Variants in ZNF407 observed in about 807,000 individuals in gnomAD.
ZNF407 encodes the protein zinc finger protein 407.
Under a neutral mutation model 131.2 loss-of-function variants are expected in ZNF407, and 17 were observed. That is an observed-to-expected ratio of 0.13 (90% confidence interval 0.09 to 0.19). ZNF407 has a LOEUF of 0.19. Ranked by LOEUF, ZNF407 falls within the 10% of genes least tolerant of loss-of-function variation. ZNF407 has a pLI of 1.00. For synonymous variants in ZNF407, 1,156 were observed against 1,062.0 expected, an observed-to-expected ratio of 1.09 and a Z score of -1.72; for missense variants, 2,681 against 2,830.6, an observed-to-expected ratio of 0.95 and a Z score of 1.20.
intron 1 of ZNF407, among the ~76,000 whole-genome samples, chr18:74,620,874 G>T (rs1324823086): frequency 1.3e-5 from 2 of 152,174 alleles, no homozygotes; most frequent in Non-Finnish European, 2.9e-5. Flanking sequence ...TGTGTGTACT[G>T]TGTAGGTTTG....
intron 8 of ZNF407, among the ~76,000 whole-genome samples, chr18:75,059,479 C>T (rs1973599552): frequency 1.3e-5 from 2 of 151,964 alleles, no homozygotes; most frequent in Non-Finnish European, 2.9e-5. Flanking sequence ...TCCTTATTTC[C>T]GTTTTTTTCA....
chr18:75,009,948 C>T (rs1426346519), intron 8 of ZNF407, among the ~76,000 whole-genome samples: 1 of 152,170 alleles, frequency 6.6e-6, no homozygotes, highest in African/African-American at 2.4e-5. Flanking sequence ...TTGCATTTTA[C>T]AAGCAGTGCT....
chr18:74,757,376 T>G (rs1968988787), intron 3 of ZNF407, among the ~76,000 whole-genome samples: 2 of 152,086 alleles, frequency 1.3e-5, no homozygotes, highest in African/African-American at 4.8e-5. Flanking sequence ...TCAAACTGTT[T>G]TAAAATTTAT....
At chr18:75,037,790 A>G (rs1407026289) in intron 8 of ZNF407, among the ~76,000 whole-genome samples, 1 of 152,182 alleles carries the variant, frequency 6.6e-6, no homozygotes, top group Non-Finnish European at 1.5e-5. Context: ...GAAACTCGGC[A>G]GGCCCCTTGC....
At chr18:74,795,036 A>G (rs1196206225) in intron 4 of ZNF407, among the ~76,000 whole-genome samples, 1 of 152,052 alleles carries the variant, frequency 6.6e-6, no homozygotes, top group African/African-American at 2.4e-5. Context: ...TAATGATGAA[A>G]TTTTCAGAAG....
At position 75,063,655 on chromosome 18, in the gene ZNF407, T is replaced by C. The variant is rs754475733; in HGVS notation, c.5934T>C (p.Ala1978=). 18 of 1,605,394 alleles carry C rather than the reference T, an allele frequency of 1.1e-5. No homozygotes were observed. In the South Asian group the frequency reaches 2.0e-4, roughly 18 times the overall value. ...TKQEILNLSE[A]GVAPPEASSA... is the part of the protein sequence containing the mutation. ...AGGAGATTTTAAACCTCTCGGAGGC[T>C]GGAGTCGCTCCCCCCGAGGCATCCT... The change falls in exon 9 of 9, where the codon GCT becomes GCC. Residue 1978 remains alanine (A), a synonymous_variant. Transcript: ENST00000299687. The surrounding 1 kb of genome is among the most constrained non-coding windows in gnomAD (Gnocchi z 6.6).
chr18:74,690,693 A>G (rs1317915157), intron 3 of ZNF407, among the ~76,000 whole-genome samples: 3 of 152,172 alleles, frequency 2.0e-5, no homozygotes, highest in Admixed American at 2.0e-4. Context: ...TTTTTCTTGT[A>G]TAGTTTAGCT....
In ZNF407 at chr18:74,980,063, G is replaced by C. The variant is rs975335071; in HGVS notation, c.5428+59371G>C. ...ATTAAAATAACAGATTTTAATAAAG[G>C]GTCGTGTTCTTGCGTAAAAGCTGCT... On this transcript the variant is annotated intron_variant, in intron 8 of 8. Coordinates refer to ENST00000299687, the MANE Select transcript of ZNF407 (RefSeq NM_017757.3). Among the ~76,000 whole-genome samples, 6 of 152,006 alleles carry C rather than the reference G, an allele frequency of 3.9e-5. No individual in the cohort carries two copies. The East Asian group carries it at 1.2e-3, about 29-fold the overall frequency.
chr18:74,812,769 G>T (rs554100747), intron 4 of ZNF407, among the ~76,000 whole-genome samples: 1 of 151,928 alleles, frequency 6.6e-6, no homozygotes, highest in African/African-American at 2.4e-5. Flanking sequence ...ATCTGTTCTC[G>T]TTGTTCCTTC....
At position 75,002,590 on chromosome 18, in the gene ZNF407, CAGG is replaced by C. The variant is rs1359357281; in HGVS notation, c.5429-60557_5429-60555del. 2.0e-5 allele frequency among the ~76,000 whole-genome samples: 3 copies of C among 152,086 alleles called. No homozygotes were observed. In the East Asian group the frequency reaches 5.8e-4, roughly 29 times the overall value. ...GGACAAGGCGGGTGGATCACGAGGT[CAGG>C]AGATCGAGACCATCCTGGCTAACAC... On this transcript the variant is annotated intron_variant, in intron 8 of 8. Transcript: ENST00000299687.
intron 3 of ZNF407, among the ~76,000 whole-genome samples, chr18:74,718,303 T>C (rs779992535): frequency 3.3e-5 from 5 of 151,854 alleles, no homozygotes; most frequent in Non-Finnish European, 7.4e-5. Flanking sequence ...CACTTGTGTA[T>C]AAGAGTCTTT....
intron 8 of ZNF407, among the ~76,000 whole-genome samples, chr18:74,933,433 C>T (rs1972005825): frequency 5.9e-5 from 9 of 152,054 alleles, no homozygotes; most frequent in Admixed American, 5.9e-4. Context: ...GTTGTGTGAC[C>T]AGGCAAAGTT....
chr18:74,961,085 G>A (rs1972338516), intron 8 of ZNF407, among the ~76,000 whole-genome samples: 1 of 149,832 alleles, frequency 6.7e-6, no homozygotes, highest in Admixed American at 6.6e-5. Context: ...GGTCCTGAGC[G>A]AGGACTGGGT....
At chr18:74,968,709 T>C (rs1250841111) in intron 8 of ZNF407, among the ~76,000 whole-genome samples, 1 of 152,198 alleles carries the variant, frequency 6.6e-6, no homozygotes, top group Non-Finnish European at 1.5e-5. Flanking sequence ...GATTTCAAGA[T>C]TTTTTTCTTT....
chr18:74,751,260 A>C (rs904634206), intron 3 of ZNF407, among the ~76,000 whole-genome samples: 4 of 152,088 alleles, frequency 2.6e-5, no homozygotes, highest in African/African-American at 9.7e-5. Flanking sequence ...TTTTTGAATC[A>C]CTTTGAATTA....
At chr18:74,999,348 TA>T (rs71170334) in intron 8 of ZNF407, among the ~76,000 whole-genome samples, 3,338 of 60,490 alleles carry the variant, frequency 0.055, 31 homozygotes, top group Middle Eastern at 0.1. Context: ...TAGAGTATAA[TA>T]AAAAAAAAAA....
chr18:74,623,303 A>AGTG (rs1427535301), intron 1 of ZNF407, among the ~76,000 whole-genome samples: 7 of 148,564 alleles, frequency 4.7e-5, no homozygotes, highest in African/African-American at 1.2e-4. Context: ...TGCAAGTGTG[A>AGTG]GTGCGTGAGG....
At chr18:74,772,067 G>A (rs543933221) in intron 3 of ZNF407, among the ~76,000 whole-genome samples, 4 of 152,232 alleles carry the variant, frequency 2.6e-5, no homozygotes, top group African/African-American at 9.6e-5. Flanking sequence ...CTGTATAAAG[G>A]TCACCAGGCA....
chr18:74,740,705 A>G (rs1374934542), intron 3 of ZNF407, among the ~76,000 whole-genome samples: 1 of 152,148 alleles, frequency 6.6e-6, no homozygotes. Context: ...GTTTAGGGAA[A>G]TTAATCCAAG....
Sources: gnomAD v4.1 joint callset for allele counts (sites outside exome capture counted in the v4.1 genomes callset) on GRCh38, gnomAD v4.1.1 for gene constraint, Gnocchi (gnomAD v3.1) non-coding constraint, MANE v1.5 for transcripts, NCBI Gene and HGNC (gene_info 2026-07-23, HGNC 2026-07-21) for gene names.